Variants in ARID3A observed in about 807,000 individuals in gnomAD.
ARID3A encodes AT-rich interaction domain 3A, also known as AT-rich interactive domain-containing protein 3A.
ARID3A carries 11 observed loss-of-function variants against 52.7 expected under a neutral mutation model. That is an observed-to-expected ratio of 0.21 (90% CI 0.13 to 0.35). The LOEUF (loss-of-function observed/expected upper bound fraction) is 0.35, where lower values mean the gene tolerates loss of function less well. Among genes scored for constraint, ARID3A ranks in the 10% least tolerant of loss-of-function variants. The pLI, the probability that ARID3A is intolerant of heterozygous loss-of-function variation, is 1.00. For synonymous variants in ARID3A, 404 were observed against 359.4 expected (o/e 1.12, Z -1.40); for missense variants, 721 against 838.5 (o/e 0.86, Z 1.73).
intron 3 of ARID3A, among the ~76,000 whole-genome samples, chr19:936,811 A>G (rs2037448262): frequency 1.3e-5 from 2 of 152,152 alleles, no homozygotes; most frequent in African/African-American, 4.8e-5. Flanking sequence ...ACTGCACTCC[A>G]GCCTGTGTGG....
chr19:973,516 T>C lies in ARID3A; in HGVS notation c.*1451T>C. On this transcript the variant is annotated 3_prime_UTR_variant, in exon 9 of 9. Transcript: ENST00000263620. ...CCCAGGCTCCTGTCTCAGGGATGAA[T>C]GTGGCGTCTCATTGGGATTCTTCTC... 4.6e-6 allele frequency: 1 copy of C among 219,502 alleles called. No homozygotes were observed. Among genetic ancestry groups the C allele is most frequent in the Non-Finnish European group, 9.1e-6 (1 of 109,306 alleles). The allele number at this position is 219,502 out of a possible 1,614,324, so 13.6% of individuals were successfully genotyped here.
Position 974,022 on chromosome 19 carries a change from GGTCTCTAATTGGGCCCTGGGAGCCCT to G in ARID3A, c.*1960_*1985del, listed in dbSNP as rs1416450651. On this transcript the variant is annotated 3_prime_UTR_variant, in exon 9 of 9. Transcript: ENST00000263620. ...CTCAGCTATTCCCAGGGTAAGCCTG[GGTCTCTAATTGGGCCCTGGGAGCCCT>G]GTTAGGCCACCGGCATGGGGGCTTG... The G allele has an allele frequency of 1.7e-4, 38 of 228,328 alleles. No individual in the cohort carries two copies. In the Middle Eastern group the frequency reaches 3.9e-3, roughly 24 times the overall value. The allele number at this position is 228,328 out of a possible 1,614,324, so 14.1% of individuals were successfully genotyped here.
In ARID3A at chr19:931,533, C is replaced by A. The variant is rs1020647824; in HGVS notation, c.369-885C>A. Among the ~76,000 whole-genome samples the A allele has an allele frequency of 9.2e-5, 14 of 151,974 alleles. No individual in the cohort carries two copies. The East Asian group carries it at 2.7e-3, about 29-fold the overall frequency. ...AGGTTGTACAAACAGCTGCCAATGG[C>A]TGGGCGTGGTGGCTCACGCCTGTAA... On this transcript the variant is annotated intron_variant, in intron 2 of 8. Transcript: ENST00000263620.
intron 3 of ARID3A, among the ~76,000 whole-genome samples, chr19:954,669 G>A (rs1483623316): frequency 1.3e-5 from 2 of 152,044 alleles, no homozygotes; most frequent in Non-Finnish European, 1.5e-5. Context: ...AGGTGGGTGG[G>A]AGCAGAGCAT....
At chr19:961,604 G>A (rs2038043265) in intron 4 of ARID3A, among the ~76,000 whole-genome samples, 2 of 152,174 alleles carry the variant, frequency 1.3e-5, no homozygotes, top group African/African-American at 2.4e-5. Context: ...TACAGTGCCT[G>A]GTGTCCTGGG....
At chr19:940,982 G>A (rs1043231803) in intron 3 of ARID3A, among the ~76,000 whole-genome samples, 14 of 152,092 alleles carry the variant, frequency 9.2e-5, no homozygotes, top group African/African-American at 2.9e-4. Flanking sequence ...CAGGAGCGTC[G>A]CTGACTCAGC....
In ARID3A at chr19:944,648, CAG is replaced by C. The variant is rs2037637855; in HGVS notation, c.693+11907_693+11908del. ...TGGTTTTCGGGGGTGGATTTTGAGA[CAG>C]GGTCTCGTGCTGTCACCCAGGCTGG... On this transcript the variant is annotated intron_variant, in intron 3 of 8. Transcript: ENST00000263620. The surrounding 1 kb of genome is among the most constrained non-coding windows in gnomAD (Gnocchi z 5.9). Among the ~76,000 whole-genome samples the C allele has an allele frequency of 6.6e-6, 1 of 152,124 alleles. No homozygotes were observed. The highest frequency in any genetic ancestry group is 1.5e-5 in the Non-Finnish European group (1 of 67,998).
At chr19:935,844 A>G (rs374117124) in intron 3 of ARID3A, among the ~76,000 whole-genome samples, 73 of 152,086 alleles carry the variant, frequency 4.8e-4, no homozygotes, top group Non-Finnish European at 7.1e-4. Flanking sequence ...AGGCTGGAGT[A>G]CAGTGGCGCG....
At position 975,892 on chromosome 19, in the gene ARID3A, G is replaced by A. The variant is rs1385004705; in HGVS notation, c.*3827G>A. ...AAGACGATTGTAACCCTGTAAAGCT[G>A]ATGAGATATTAAAACGAGACAAAAC... On this transcript the variant is annotated 3_prime_UTR_variant, in exon 9 of 9. Transcript: ENST00000263620. 5.5e-6 allele frequency: 1 copy of A among 182,628 alleles called. No homozygotes were observed. Among genetic ancestry groups the A allele is most frequent in the East Asian group, 9.0e-5 (1 of 11,160 alleles). The allele number at this position is 182,628 out of a possible 1,614,324, so 11.3% of individuals were successfully genotyped here.
At chr19:935,268 G>C (rs572671533) in intron 3 of ARID3A, among the ~76,000 whole-genome samples, 1 of 150,790 alleles carries the variant, frequency 6.6e-6, no homozygotes, top group Non-Finnish European at 1.5e-5. Context: ...GCGGGGGGCC[G>C]GGCGCAGCAG....
chr19:944,216 G>A lies in ARID3A; in HGVS notation c.693+11474G>A, dbSNP rs992303870. On this transcript the variant is annotated intron_variant, in intron 3 of 8. Coordinates refer to ENST00000263620, the MANE Select transcript of ARID3A (RefSeq NM_005224.3). The surrounding 1 kb of genome is among the most constrained non-coding windows in gnomAD (Gnocchi z 5.9). ...GCATGAAGCAGAAGCTCCTGCCGCC[G>A]GCACTGGAGTCCTGACGTCGGCAGC... Among the ~76,000 whole-genome samples the A allele has an allele frequency of 4.6e-5, 7 of 152,238 alleles. No individual in the cohort carries two copies. Among genetic ancestry groups the A allele is most frequent in the East Asian group, 1.9e-4 (1 of 5,204 alleles).
At position 929,982 on chromosome 19, in the gene ARID3A, G is replaced by T; in HGVS notation, c.368+86G>T. 1 of 1,496,718 alleles carries T rather than the reference G, an allele frequency of 6.7e-7. No individual in the cohort carries two copies. Among genetic ancestry groups the T allele is most frequent in the Non-Finnish European group, 8.9e-7 (1 of 1,122,526 alleles). The allele number at this position is 1,496,718 out of a possible 1,614,324, so 92.7% of individuals were successfully genotyped here. A position where few individuals can be genotyped will look rare whatever the true frequency, so the allele number is the denominator to read the frequency against. The stretch of plus-strand genomic sequence containing the variant: ...GCTCATCTGCAGAATGGGAGTAAGG[G>T]TCAGGTCGCGGGATCTCCTTCCTGT... On this transcript the variant is annotated intron_variant, in intron 2 of 8. Coordinates refer to ENST00000263620, the MANE Select transcript of ARID3A (RefSeq NM_005224.3). The surrounding 1 kb of genome is among the most constrained non-coding windows in gnomAD (Gnocchi z 6.2).
chr19:968,555 T>G, intron 8 of ARID3A, 52 bp downstream of exon 8: 2 of 1,564,152 alleles, frequency 1.3e-6, no homozygotes, highest in Non-Finnish European at 1.8e-6. Flanking sequence ...CCCGCCGCCG[T>G]GAACTCAGGA....
At chr19:954,384 G>A (rs1328543282) in intron 3 of ARID3A, among the ~76,000 whole-genome samples, 2 of 152,246 alleles carry the variant, frequency 1.3e-5, no homozygotes, top group Non-Finnish European at 2.9e-5. Context: ...TGGACAGAGG[G>A]GAGGGGACCC....
At position 941,438 on chromosome 19, in the gene ARID3A, C is replaced by T. The variant is rs999946843; in HGVS notation, c.693+8696C>T. On this transcript the variant is annotated intron_variant, in intron 3 of 8. Transcript: ENST00000263620. The surrounding 1 kb of genome is among the most constrained non-coding windows in gnomAD (Gnocchi z 6.9). The stretch of plus-strand genomic sequence containing the variant: ...ACCCAGCCAGCGGCACCTCACGCGC[C>T]CGCCTGCGTGTCCCCAGCCAGCACC... Among the ~76,000 whole-genome samples, 1 of 152,194 alleles carries T rather than the reference C, an allele frequency of 6.6e-6. No individual in the cohort carries two copies. The highest frequency in any genetic ancestry group is 1.5e-5 in the Non-Finnish European group (1 of 68,036).
chr19:947,691 C>G lies in ARID3A; in HGVS notation c.694-12401C>G, dbSNP rs2037715627. Among the ~76,000 whole-genome samples the G allele has an allele frequency of 6.6e-6, 1 of 152,234 alleles. No homozygotes were observed. Among genetic ancestry groups the G allele is most frequent in the Admixed American group, 6.5e-5 (1 of 15,284 alleles). ...GGAAATCCACAGAGAAGCACCTTCA[C>G]CACGCCAGCTTCCCGGGCCGCGCTT... is the stretch of plus-strand genomic sequence containing the variant. On this transcript the variant is annotated intron_variant, in intron 3 of 8. Coordinates refer to ENST00000263620, the MANE Select transcript of ARID3A (RefSeq NM_005224.3). The surrounding 1 kb of genome is among the most constrained non-coding windows in gnomAD (Gnocchi z 6.3).
At position 972,033 on chromosome 19, in the gene ARID3A, T is replaced by A. The variant is rs775161413; in HGVS notation, c.1750T>A (p.Ser584Thr). Residue 584 changes from serine (S) to threonine (T), a missense_variant, in exon 9 of 9, where the codon TCC (serine) becomes ACC (threonine). Physicochemically the swap from Ser to Thr is moderately conservative, Grantham distance 58. Coordinates refer to ENST00000263620, the MANE Select transcript of ARID3A (RefSeq NM_005224.3). Reference protein sequence around the residue: ...QAGPAGLSTPSTSTSNNSLP With the variant: ...QAGPAGLSTPTTSTSNNSLP ...TGGGCCAGCGGGGCTGTCCACACCC[T>A]CCACATCTACCTCAAATAACTCGTT... 2 of 1,584,084 alleles carry A rather than the reference T, an allele frequency of 1.3e-6. No individual in the cohort carries two copies. The highest frequency in any genetic ancestry group is 1.7e-6 in the Non-Finnish European group (2 of 1,167,330).
chr19:948,136 G>A (rs868485145), intron 3 of ARID3A, among the ~76,000 whole-genome samples: 1 of 151,960 alleles, frequency 6.6e-6, no homozygotes, highest in Non-Finnish European at 1.5e-5. Context: ...CTGTCCCCTG[G>A]TGTTTCCCTT....
At chr19:970,180 G>A (rs2038246942) in intron 8 of ARID3A, among the ~76,000 whole-genome samples, 1 of 151,936 alleles carries the variant, frequency 6.6e-6, no homozygotes, top group South Asian at 2.1e-4. Context: ...AGGTGTGCTG[G>A]TGTGTGCCTA....
Sources: allele counts gnomAD v4.1 joint callset (sites outside exome capture counted in the v4.1 genomes callset), GRCh38; gene constraint gnomAD v4.1.1; non-coding constraint Gnocchi (gnomAD v3.1); transcripts MANE v1.5; gene names NCBI Gene and HGNC (gene_info 2026-07-23, HGNC 2026-07-21).